CAPN11: variants seen among roughly 807,000 people sequenced by gnomAD.
CAPN11 encodes the protein calpain 11.
In CAPN11, 108 loss-of-function variants were observed where a neutral mutation model predicts 105.3. The observed-to-expected ratio is 1.03, with a 90% CI of 0.88 to 1.20. The LOEUF is 1.20. CAPN11 is among the 50% of genes most tolerant of loss of function. The pLI, the probability that CAPN11 is intolerant of heterozygous loss-of-function variation, is 0.00. For synonymous variants in CAPN11, 329 were observed against 344.5 expected, an observed-to-expected ratio of 0.96 and a Z score of 0.50; for missense variants, 883 against 924.8, an observed-to-expected ratio of 0.95 and a Z score of 0.59.
In CAPN11 at chr6:44,177,252, G is replaced by C; in HGVS notation, c.1248G>C (p.Trp416Cys). The change falls in exon 12 of 23, where the codon TGG becomes TGC. Residue 416 changes from tryptophan to cysteine, a missense_variant. Transcript: ENST00000398776. Reference sequence around the variant, plus strand: ...CCACTTCCGCCACAGGCACGTTCTGGACCAACCCCCAGTTTAAGATCTCTC... The same window carrying C: ...CCACTTCCGCCACAGGCACGTTCTGCACCAACCCCCAGTTTAAGATCTCTC... ...GGCRNHPGTFWTNPQFKISLP... is the reference protein window; with the variant it reads ...GGCRNHPGTFCTNPQFKISLP... The C allele has an allele frequency of 6.3e-7, 1 of 1,588,686 alleles. No individual in the cohort carries two copies. The highest frequency in any genetic ancestry group is 8.6e-7 in the Non-Finnish European group (1 of 1,167,560).
intron 12 of CAPN11, 33 bp downstream of exon 12, chr6:44,177,453 C>T: frequency 6.3e-7 from 1 of 1,582,590 alleles, no homozygotes; most frequent in Non-Finnish European, 8.6e-7. Flanking sequence ...CCGCCACTCA[C>T]TCTCCCTCAC....
At chr6:44,171,302 A>T (rs1770953338) in intron 4 of CAPN11, among the ~76,000 whole-genome samples, 1 of 152,284 alleles carries the variant, frequency 6.6e-6, no homozygotes, top group Middle Eastern at 3.4e-3. Context: ...CTCCCATAGG[A>T]TTCCCTTTAG....
intron 16 of CAPN11, 28 bp from the exon 17 acceptor site, chr6:44,180,720 G>A (rs748529269): frequency 2.5e-5 from 41 of 1,613,442 alleles, no homozygotes; most frequent in East Asian, 8.9e-5. Flanking sequence ...GGAGGGGCCC[G>A]AGTGGGGTTC....
At position 44,183,110 on chromosome 6, in the gene CAPN11, C is replaced by G; in HGVS notation, c.2018-9C>G. ...TTTTCCCCTCCCCACTTCTCTCTCC[C>G]TCTCTCAGGCATCAAGCTGAACAAC... On this transcript the variant is annotated splice_polypyrimidine_tract_variant and intron_variant, in intron 20 of 22. Transcript: ENST00000398776. 3 of 1,606,632 alleles carry G rather than the reference C, an allele frequency of 1.9e-6. No individual in the cohort carries two copies. The highest frequency in any genetic ancestry group is 2.6e-6 in the Non-Finnish European group (3 of 1,173,590).
intron 1 of CAPN11, among the ~76,000 whole-genome samples, chr6:44,164,012 T>A (rs1013012311): frequency 6.6e-6 from 1 of 152,110 alleles, no homozygotes; most frequent in Non-Finnish European, 1.5e-5. Context: ...TAATTTTTTT[T>A]AATTTTTATT....
intron 1 of CAPN11, chr6:44,161,891 G>A (rs1045301159): frequency 3.3e-5 from 15 of 456,080 alleles, no homozygotes; most frequent in African/African-American, 1.6e-4. Context: ...TTGCCTTATC[G>A]TGTGAATGAC....
chr6:44,169,376 G>A lies in CAPN11; in HGVS notation c.184G>A (p.Gly62Ser), dbSNP rs1382985462. 6.2e-7 allele frequency: 1 copy of A among 1,613,886 alleles called. No individual in the cohort carries two copies. Among genetic ancestry groups the A allele is most frequent in the Non-Finnish European group, 8.5e-7 (1 of 1,179,900 alleles). The change falls in exon 3 of 23, where the codon GGT becomes AGT. Residue 62 changes from glycine (G) to serine (S), a missense_variant. By Grantham distance (56) the Gly-to-Ser change is moderately conservative (BLOSUM62 0). Coordinates refer to ENST00000398776, the MANE Select transcript of CAPN11 (RefSeq NM_007058.4). ...VGQHDNAQNF[G>S]NQSFEELRAA... Reference sequence around the variant, plus strand: ...CCAGCACGACAACGCCCAGAACTTTGGTAACCAGAGCTTTGAGGAGCTGCG... The same window carrying A: ...CCAGCACGACAACGCCCAGAACTTTAGTAACCAGAGCTTTGAGGAGCTGCG...
Position 44,182,900 on chromosome 6 carries a change from T to C in CAPN11, c.1939-41T>C, listed in dbSNP as rs756403385. ...CAGTATTTCATTATTTCAACCACCA[T>C]GCCATGCATGTGGCCCTACCATATC... On this transcript the variant is annotated intron_variant, in intron 19 of 22. Coordinates refer to ENST00000398776, the MANE Select transcript of CAPN11 (RefSeq NM_007058.4). The C allele has an allele frequency of 1.7e-5, 25 of 1,431,332 alleles. No homozygotes were observed. In the Middle Eastern group the frequency reaches 5.9e-4, roughly 34 times the overall value. 88.7% of individuals were successfully genotyped at this position (1,431,332 alleles called of 1,614,324 possible).
chr6:44,175,996 C>T, intron 7 of CAPN11, 72 bp from the exon 8 acceptor site: 2 of 960,900 alleles, frequency 2.1e-6, no homozygotes, highest in Non-Finnish European at 3.3e-6. Flanking sequence ...TCGCCCCTTC[C>T]TTTGGGTGCC....
Position 44,169,949 on chromosome 6 carries a change from C to T in CAPN11, c.383C>T (p.Pro128Leu), listed in dbSNP as rs764144671. 2 of 1,612,058 alleles carry T rather than the reference C, an allele frequency of 1.2e-6. No homozygotes were observed. The highest frequency in any genetic ancestry group is 1.1e-5 in the South Asian group (1 of 90,560). ...CTATTCATCATGGATGGGATTTCTC[C>T]AACAGACATCTGCCAGGGGATCCTC... ...NPLFIMDGIS[P>L]TDICQGILGD... is the part of the protein sequence containing the mutation. The change falls in exon 4 of 23, where the codon CCA becomes CTA. Residue 128 changes from proline to leucine, a missense_variant. Transcript: ENST00000398776.
intron 1 of CAPN11, among the ~76,000 whole-genome samples, chr6:44,162,921 C>T (rs913349728): frequency 6.6e-6 from 1 of 152,156 alleles, no homozygotes; most frequent in African/African-American, 2.4e-5. Context: ...GACAAGCACA[C>T]ACATGACTCC....
rs1223572623 is a variant in CAPN11 at position 44,170,115 on chromosome 6, G to A, written c.409+140G>A. ...TGTTCCCCTGTCCCTCCCCTTCTGA[G>A]GAGATGACAGTGAGAACACCGTGCA... On this transcript the variant is annotated intron_variant, in intron 4 of 22. Transcript: ENST00000398776. 9 of 672,574 alleles carry A rather than the reference G, an allele frequency of 1.3e-5. No homozygotes were observed. In the South Asian group the frequency reaches 1.4e-4, roughly 10 times the overall value. 41.7% of individuals were successfully genotyped at this position (672,574 alleles called of 1,614,324 possible).
intron 1 of CAPN11, among the ~76,000 whole-genome samples, chr6:44,162,867 G>A (rs1224287470): frequency 1.3e-5 from 2 of 152,084 alleles, no homozygotes; most frequent in East Asian, 1.9e-4. Context: ...TGCCTAACAC[G>A]AGTTAGGGTT....
At position 44,180,826 on chromosome 6, in the gene CAPN11, G is replaced by C; in HGVS notation, c.1804+21G>C. On this transcript the variant is annotated intron_variant, in intron 17 of 22. Coordinates refer to ENST00000398776, the MANE Select transcript of CAPN11 (RefSeq NM_007058.4). ...CAAATGTGAGTCTTCCACTCCTGCT[G>C]CACACGACCCCTCCCCCATATTTTG... is the stretch of plus-strand genomic sequence containing the variant. The C allele has an allele frequency of 2.5e-6, 4 of 1,612,546 alleles. No homozygotes were observed. In the Admixed American group the frequency reaches 6.7e-5, roughly 27 times the overall value.
intron 12 of CAPN11, 72 bp downstream of exon 12, chr6:44,177,492 C>CT (rs386406895): frequency 0.024 from 24,262 of 1,003,742 alleles, 1 homozygote; most frequent in East Asian, 0.061. Flanking sequence ...TTCTTTCTTT[C>CT]TTTTTTTTTT....
Position 44,180,939 on chromosome 6 carries a change from G to T in CAPN11, c.1811G>T (p.Ser604Ile). 6.2e-7 allele frequency: 1 copy of T among 1,613,442 alleles called. No homozygotes were observed. Among genetic ancestry groups the T allele is most frequent in the Non-Finnish European group, 8.5e-7 (1 of 1,179,692 alleles). The change falls in exon 18 of 23, where the codon AGC (serine) becomes ATC (isoleucine). Residue 604 changes from serine (S) to isoleucine (I), a missense_variant. Transcript: ENST00000398776. ...CCCCTTCCCTTCCTCACAGTCAAAAGCTTCAAGACCAAGGGCTTTGGCCTG... is the reference window on the plus strand; with the variant it reads ...CCCCTTCCCTTCCTCACAGTCAAAATCTTCAAGACCAAGGGCTTTGGCCTG... Reference protein sequence around the residue: ...LLNRMAIKFKSFKTKGFGLDA... With the variant: ...LLNRMAIKFKIFKTKGFGLDA...
rs186625301 is a variant in CAPN11 at position 44,173,541 on chromosome 6, G to A, written c.831+155G>A. On this transcript the variant is annotated intron_variant, in intron 7 of 22. Transcript: ENST00000398776. ...CTTCCCTACCTCCCCGTCTAAAGTCGCCGTCCCCACCCTATTTACTTTCTT... is the reference window on the plus strand; with the variant it reads ...CTTCCCTACCTCCCCGTCTAAAGTCACCGTCCCCACCCTATTTACTTTCTT... Among the ~76,000 whole-genome samples, 65 of 150,352 alleles carry A rather than the reference G, an allele frequency of 4.3e-4. No homozygotes were observed. In the East Asian group the frequency reaches 0.012, roughly 27 times the overall value.
Position 44,172,309 on chromosome 6 carries a change from C to A in CAPN11, c.417C>A (p.Cys139Ter). ...CCCTGCCTGTCTTTCCAGGGGACTG[C>A]TGGCTGCTGGCTGCCATCGGCTCCC... ...TDICQGILGD[C>*]WLLAAIGSLT... is the part of the protein sequence containing the mutation. Residue 139 changes from cysteine (C) to a stop codon, truncating the protein, a stop_gained, in exon 5 of 23, where the codon TGC becomes TGA. Coordinates refer to ENST00000398776, the MANE Select transcript of CAPN11 (RefSeq NM_007058.4). LOFTEE classifies it high-confidence loss of function. 6.4e-7 allele frequency: 1 copy of A among 1,551,984 alleles called. No homozygotes were observed. Among genetic ancestry groups the A allele is most frequent in the South Asian group, 1.2e-5 (1 of 84,086 alleles).
At chr6:44,169,029 C>T in intron 2 of CAPN11, 1 of 528,820 alleles carries the variant, frequency 1.9e-6, no homozygotes, top group Non-Finnish European at 3.6e-6. Context: ...CTCCAGGGCT[C>T]AGGTGATCCT....
Sources: allele counts gnomAD v4.1 joint callset (sites outside exome capture counted in the v4.1 genomes callset), GRCh38; gene constraint gnomAD v4.1.1; transcripts MANE v1.5; gene names NCBI Gene and HGNC (gene_info 2026-07-23, HGNC 2026-07-21).